The following PHKB variants were observed in gnomAD, a reference collection of about 807,000 sequenced individuals.
PHKB encodes phosphorylase kinase regulatory subunit beta.
Under a neutral mutation model 152.1 loss-of-function variants are expected in PHKB, and 122 were observed. The ratio of observed to expected loss-of-function variants is 0.80; its 90% CI spans 0.69 to 0.93. PHKB has a LOEUF of 0.93. Among genes scored for constraint, PHKB ranks in the 40% least tolerant of loss-of-function variants. PHKB has a pLI of 0.00. For missense variants in PHKB, 1,304 were observed against 1,328.4 expected, an observed-to-expected ratio of 0.98 and a Z score of 0.29; for synonymous variants, 436 against 464.9, an observed-to-expected ratio of 0.94 and a Z score of 0.80.
At chr16:47,677,347 G>A (rs1973750621) in intron 26 of PHKB, among the ~76,000 whole-genome samples, 1 of 152,172 alleles carries the variant, frequency 6.6e-6, no homozygotes, top group Non-Finnish European at 1.5e-5. Context: ...GTCCCTTCTT[G>A]CAGCTTTCCA....
intron 25 of PHKB, chr16:47,666,055 C>G: frequency 2.0e-6 from 3 of 1,537,994 alleles, no homozygotes; most frequent in Non-Finnish European, 2.7e-6. Context: ...TTTTCAGACA[C>G]TTATTTGGTC....
intron 7 of PHKB, among the ~76,000 whole-genome samples, chr16:47,563,994 CTTTTTTT>C (rs899061752): frequency 1.3e-4 from 11 of 82,030 alleles, no homozygotes; most frequent in South Asian, 7.8e-4. Context: ...TTATTTCATT[CTTTTTTT>C]TTTTTTTTTT....
chr16:47,699,132 T>C, intron 30 of PHKB, 97 bp from the exon 31 acceptor site: 2 of 1,109,314 alleles, frequency 1.8e-6, no homozygotes, highest in Non-Finnish European at 2.8e-6. Flanking sequence ...GAAATCTTTA[T>C]GTGAATTTAT....
intron 23 of PHKB, among the ~76,000 whole-genome samples, chr16:47,662,398 TA>T (rs1422929530): frequency 6.6e-6 from 1 of 152,206 alleles, no homozygotes; most frequent in Non-Finnish European, 1.5e-5. Context: ...TGACATTTTA[TA>T]ATACAGAATA....
chr16:47,650,504 G>C (rs1419993355), intron 18 of PHKB, 40 bp from the exon 19 acceptor site: 3 of 1,142,722 alleles, frequency 2.6e-6, no homozygotes, highest in Admixed American at 1.7e-5. Context: ...GTTCATCTTA[G>C]ATACTGTGCC....
At chr16:47,523,023 A>T (rs1438227599) in intron 6 of PHKB, among the ~76,000 whole-genome samples, 5 of 140,324 alleles carry the variant, frequency 3.6e-5, no homozygotes, top group Admixed American at 1.5e-4. Context: ...TTGGTGTGAC[A>T]TCTTTCTCAG....
At chr16:47,575,428 A>G (rs542051720) in intron 7 of PHKB, among the ~76,000 whole-genome samples, 4 of 152,350 alleles carry the variant, frequency 2.6e-5, no homozygotes, top group South Asian at 2.1e-4. Context: ...ATAATTCACA[A>G]TTGCAAAGAT....
At chr16:47,661,568 G>A (rs2151737223) in intron 22 of PHKB, 151 bp from the exon 23 acceptor site, 1 of 681,270 alleles carries the variant, frequency 1.5e-6, no homozygotes. Flanking sequence ...GTCATCTTAT[G>A]CTTGATATTA....
At chr16:47,693,215 A>G (rs1974092501) in intron 27 of PHKB, among the ~76,000 whole-genome samples, 163 bp from the exon 28 acceptor site, 1 of 152,180 alleles carries the variant, frequency 6.6e-6, no homozygotes, top group Non-Finnish European at 1.5e-5. Context: ...TGTTTTCATT[A>G]TGAAATATTT....
intron 5 of PHKB, among the ~76,000 whole-genome samples, chr16:47,514,807 A>G (rs892675561): frequency 2.0e-5 from 3 of 152,212 alleles, no homozygotes; most frequent in African/African-American, 7.2e-5. Flanking sequence ...TTCTGTGAGT[A>G]TCCTTTTTTG....
chr16:47,487,535 A>G (rs1480718781), intron 1 of PHKB, among the ~76,000 whole-genome samples: 1 of 151,946 alleles, frequency 6.6e-6, no homozygotes, highest in African/African-American at 2.4e-5. Flanking sequence ...AGATTATTTC[A>G]TCACTCAGGT....
chr16:47,524,461 T>A (rs1970733817), intron 6 of PHKB, among the ~76,000 whole-genome samples: 1 of 152,202 alleles, frequency 6.6e-6, no homozygotes, highest in Non-Finnish European at 1.5e-5. Flanking sequence ...TGACATTCTG[T>A]AACATGTGTC....
chr16:47,579,901 T>C (rs900140432), intron 7 of PHKB, among the ~76,000 whole-genome samples: 6 of 152,204 alleles, frequency 3.9e-5, no homozygotes, highest in Non-Finnish European at 8.8e-5. Context: ...TCAGATTTGA[T>C]GTCAGAAAAG....
chr16:47,525,652 AT>A (rs1334637938), intron 6 of PHKB, among the ~76,000 whole-genome samples: 1 of 152,008 alleles, frequency 6.6e-6, no homozygotes, highest in Non-Finnish European at 1.5e-5. Flanking sequence ...AGCTTTAAGG[AT>A]TTTTTTTGCT....
intron 13 of PHKB, among the ~76,000 whole-genome samples, chr16:47,600,699 G>A (rs977915657): frequency 6.6e-6 from 1 of 152,154 alleles, no homozygotes; most frequent in African/African-American, 2.4e-5. Context: ...GAGTACTGTG[G>A]ACAATTGTAA....
At chr16:47,542,250 A>G (rs1213014194) in intron 6 of PHKB, among the ~76,000 whole-genome samples, 1 of 152,172 alleles carries the variant, frequency 6.6e-6, no homozygotes, top group African/African-American at 2.4e-5. Flanking sequence ...GTACCATTAA[A>G]TAGGGAATCC....
chr16:47,570,056 G>A (rs548997701), intron 7 of PHKB, among the ~76,000 whole-genome samples: 2 of 152,186 alleles, frequency 1.3e-5, no homozygotes, highest in African/African-American at 4.8e-5. Flanking sequence ...ACTTAGTTTT[G>A]CTCTGTGCAG....
chr16:47,608,973 C>G (rs1480082945), intron 13 of PHKB, among the ~76,000 whole-genome samples: 1 of 152,134 alleles, frequency 6.6e-6, no homozygotes, highest in Non-Finnish European at 1.5e-5. Flanking sequence ...TTGTCTTATT[C>G]CTGATCCTTG....
chr16:47,630,238 T>C (rs929875694), intron 14 of PHKB, among the ~76,000 whole-genome samples: 2 of 152,094 alleles, frequency 1.3e-5, no homozygotes, highest in African/African-American at 4.8e-5. Flanking sequence ...TCGTAGCACT[T>C]TGGGAGGCCG....
Sources: gnomAD v4.1 joint callset for allele counts (sites outside exome capture counted in the v4.1 genomes callset) on GRCh38, gnomAD v4.1.1 for gene constraint, MANE v1.5 for transcripts, NCBI Gene and HGNC (gene_info 2026-07-23, HGNC 2026-07-21) for gene names.